SLC13A3: variants seen among roughly 807,000 people sequenced by gnomAD.
SLC13A3 encodes the protein Na(+)/dicarboxylate cotransporter 3.
SLC13A3 carries 40 observed loss-of-function variants against 59.0 expected under a neutral mutation model. That is an observed-to-expected ratio of 0.68 (90% CI 0.53 to 0.88). The LOEUF (loss-of-function observed/expected upper bound fraction) is 0.88. Ranked by LOEUF, SLC13A3 falls within the 40% of genes least tolerant of loss-of-function variation. The probability of loss-of-function intolerance (pLI) is 0.00; values close to 1 mark genes in which losing one functional copy is unlikely to be tolerated. For synonymous variants in SLC13A3, 317 were observed against 330.3 expected, an observed-to-expected ratio of 0.96 and a Z score of 0.44; for missense variants, 699 against 783.2, an observed-to-expected ratio of 0.89 and a Z score of 1.28.
At chr20:46,628,448 G>A (rs2062700641) in intron 1 of SLC13A3, among the ~76,000 whole-genome samples, 2 of 152,142 alleles carry the variant, frequency 1.3e-5, no homozygotes, top group African/African-American at 4.8e-5. Flanking sequence ...AAATCTCTAG[G>A]GTTGAAGGAA....
chr20:46,635,368 G>A (rs1713607123), intron 1 of SLC13A3, among the ~76,000 whole-genome samples: 1 of 152,184 alleles, frequency 6.6e-6, no homozygotes, highest in South Asian at 2.1e-4. Flanking sequence ...CCGAGGCCAA[G>A]AAGCACAGCC....
chr20:46,616,717 T>A (rs529400665), intron 1 of SLC13A3, among the ~76,000 whole-genome samples: 1 of 152,268 alleles, frequency 6.6e-6, no homozygotes, highest in South Asian at 2.1e-4. Flanking sequence ...AGCACCCTGT[T>A]TAGAGAAGCT....
intron 12 of SLC13A3, 45 bp downstream of exon 12, chr20:46,563,368 GC>G: frequency 6.3e-7 from 1 of 1,592,278 alleles, no homozygotes; most frequent in African/African-American, 1.3e-5. Context: ...CCCCCTTGCG[GC>G]CCACCCACAT....
chr20:46,584,304 A>G (rs1433892857), intron 8 of SLC13A3: 1 of 985,358 alleles, frequency 1.0e-6, no homozygotes, highest in Middle Eastern at 5.2e-4. Context: ...ATTTTGTTAA[A>G]CTGACATACA....
upstream of SLC13A3, among the ~76,000 whole-genome samples, chr20:46,674,098 TCTTGGCAC>T (rs1267440205): frequency 1.3e-5 from 2 of 152,082 alleles, no homozygotes; most frequent in Non-Finnish European, 2.9e-5. Flanking sequence ...ATGAGGGGAA[TCTTGGCAC>T]CAAATTCCAT....
chr20:46,581,459 A>T lies in SLC13A3; in HGVS notation c.1219+2113T>A, dbSNP rs150951114. 3.5e-3 allele frequency among the ~76,000 whole-genome samples: 528 copies of T among 152,314 alleles called. 1 individual carries two copies. The highest frequency in any genetic ancestry group is 4.9e-3 in the Non-Finnish European group (334 of 68,024). The stretch of plus-strand genomic sequence containing the variant: ...GAGACCCACTGGGCAAAGAGAAGTG[A>T]CACCTGAAGGTGAAAGAATGAACAG... On this transcript the variant is annotated intron_variant, in intron 9 of 12. Coordinates refer to ENST00000279027, the MANE Select transcript of SLC13A3 (RefSeq NM_022829.6).
At chr20:46,671,432 T>C (rs530412394), upstream of SLC13A3, among the ~76,000 whole-genome samples, 2 of 152,190 alleles carry the variant, frequency 1.3e-5, no homozygotes, top group Admixed American at 1.3e-4. Context: ...TCCTGCACAC[T>C]CGTCTCCAAG....
At chr20:46,592,732 T>A (rs2062272656) in intron 5 of SLC13A3, among the ~76,000 whole-genome samples, 1 of 152,186 alleles carries the variant, frequency 6.6e-6, no homozygotes, top group Non-Finnish European at 1.5e-5. Flanking sequence ...TCTGACCTAG[T>A]GGGACCAATG....
At chr20:46,665,939 C>T (rs776209983) in intron 1 of SLC13A3, among the ~76,000 whole-genome samples, 1 of 152,150 alleles carries the variant, frequency 6.6e-6, no homozygotes, top group Non-Finnish European at 1.5e-5. Flanking sequence ...CATCCTACTG[C>T]GTGTGCTTTT....
intron 6 of SLC13A3, among the ~76,000 whole-genome samples, chr20:46,591,407 A>G (rs1174465286): frequency 6.6e-6 from 1 of 152,204 alleles, no homozygotes. Flanking sequence ...TTTGAGAAGC[A>G]TATGTATGTA....
At chr20:46,637,654 C>T (rs185321155) in intron 1 of SLC13A3, among the ~76,000 whole-genome samples, 73 of 152,320 alleles carry the variant, frequency 4.8e-4, no homozygotes, top group Non-Finnish European at 9.6e-4. Context: ...GGGCCAGATA[C>T]ACCCCTAAGT....
At chr20:46,643,256 C>A (rs1428920393) in intron 1 of SLC13A3, among the ~76,000 whole-genome samples, 1 of 152,012 alleles carries the variant, frequency 6.6e-6, no homozygotes, top group African/African-American at 2.4e-5. Flanking sequence ...AAACATAATA[C>A]GTTGCCAGGT....
chr20:46,598,122 G>GA (rs1227307179), intron 4 of SLC13A3, among the ~76,000 whole-genome samples: 2 of 152,144 alleles, frequency 1.3e-5, no homozygotes, highest in African/African-American at 4.8e-5. Flanking sequence ...AAATTAAAAT[G>GA]AAAAAATATT....
intron 8 of SLC13A3, chr20:46,585,267 T>C (rs745586943): frequency 2.1e-6 from 2 of 975,516 alleles, no homozygotes; most frequent in Non-Finnish European, 2.4e-6. Flanking sequence ...TATGTGTGCG[T>C]ATCTGGAATG....
chr20:46,638,436 G>A (rs2745726), intron 1 of SLC13A3, among the ~76,000 whole-genome samples: 17,956 of 152,252 alleles, frequency 0.12, 2,214 homozygotes, highest in African/African-American at 0.31. Context: ...GGCCGTGGGC[G>A]GCGGCGAACA....
intron 1 of SLC13A3, among the ~76,000 whole-genome samples, chr20:46,632,913 A>AGC (rs1369865976): frequency 0.19 from 10,363 of 54,776 alleles, 869 homozygotes; most frequent in African/African-American, 0.25. Context: ...AGATAGATAT[A>AGC]TCTATCTATC....
At chr20:46,566,444 C>T (rs2061981237) in intron 10 of SLC13A3, 54 bp from the exon 11 acceptor site, 1 of 1,574,822 alleles carries the variant, frequency 6.3e-7, no homozygotes, top group Non-Finnish European at 8.6e-7. Flanking sequence ...GCTGCCGCCC[C>T]CCAGAGAGGG....
At chr20:46,628,793 A>G (rs1460275450) in intron 1 of SLC13A3, among the ~76,000 whole-genome samples, 1 of 152,266 alleles carries the variant, frequency 6.6e-6, no homozygotes, top group Admixed American at 6.5e-5. Context: ...ACATGGGACT[A>G]GGGTCCACCA....
chr20:46,682,016 C>A (rs2063156075), intron 1 of SLC13A3: 1 of 152,174 alleles, frequency 6.6e-6, no homozygotes, highest in Non-Finnish European at 1.5e-5. Context: ...ACATGAAATA[C>A]GGGGAACACA....
Sources: allele counts gnomAD v4.1 joint callset (sites outside exome capture counted in the v4.1 genomes callset), GRCh38; gene constraint gnomAD v4.1.1; transcripts MANE v1.5; gene names NCBI Gene and HGNC (gene_info 2026-07-23, HGNC 2026-07-21).